Variants in CNKSR2 observed in about 807,000 individuals in gnomAD.
CNKSR2 encodes connector enhancer of kinase suppressor of Ras 2.
A neutral mutation model predicts 84.4 loss-of-function variants in CNKSR2; 14 were observed. The observed-to-expected ratio is 0.17, with a 90% CI of 0.11 to 0.26. CNKSR2 has a LOEUF of 0.26. Among genes scored for constraint, CNKSR2 ranks in the 10% least tolerant of loss-of-function variants. The probability of loss-of-function intolerance (pLI) is 1.00; values close to 1 mark genes in which losing one functional copy is unlikely to be tolerated. For missense variants in CNKSR2, 485 were observed against 771.2 expected (o/e 0.63, Z 4.40); for synonymous variants, 275 against 277.9 (o/e 0.99, Z 0.10).
Position 21,552,795 on chromosome X carries a change from T to C in CNKSR2, c.1304-8676T>C, listed in dbSNP as rs905078760. On this transcript the variant is annotated intron_variant, in intron 11 of 21. Coordinates refer to ENST00000379510, the MANE Select transcript of CNKSR2 (RefSeq NM_014927.5). ...TTCAAGCCACTTGTGGAATTACTAC[T>C]ATCACTGCAAAACAATTTGCCAGAA... 3.6e-5 allele frequency among the ~76,000 whole-genome samples: 4 copies of C among 112,213 alleles called. No homozygotes were observed. In the Admixed American group the frequency reaches 3.8e-4, roughly 11 times the overall value.
rs1047175976 is a variant in CNKSR2 at position 21,599,821 on chromosome X, C to G, written c.1977-1461C>G. Among the ~76,000 whole-genome samples, 67 of 111,626 alleles carry G rather than the reference C, an allele frequency of 6.0e-4. 1 individual carries two copies. The highest frequency in any genetic ancestry group is 2.9e-4 in the Admixed American group (3 of 10,519). ...ATGCCTTGTGGTACAAATTTAACCC[C>G]TTTTTCACTGCAAATCAACTTAGAC... On this transcript the variant is annotated intron_variant, in intron 17 of 21. Coordinates refer to ENST00000379510, the MANE Select transcript of CNKSR2 (RefSeq NM_014927.5).
At chrX:21,449,653 A>G (rs749339518) in intron 4 of CNKSR2, among the ~76,000 whole-genome samples, 3 of 110,977 alleles carry the variant, frequency 2.7e-5, no homozygotes, top group Non-Finnish European at 5.7e-5. Flanking sequence ...CCCATGCTCC[A>G]TGTGCATCCT....
At chrX:21,463,165 A>G (rs1569183605) in intron 4 of CNKSR2, among the ~76,000 whole-genome samples, 1 of 111,542 alleles carries the variant, frequency 9.0e-6, no homozygotes, top group Non-Finnish European at 1.9e-5. Flanking sequence ...CATCCTTGCA[A>G]CCCAGGAATA....
chrX:21,516,486 T>C lies in CNKSR2; in HGVS notation c.812T>C (p.Val271Ala), dbSNP rs770714516. ...TGTAATGATTTTGCTGGTTACCAGG[T>C]GGGGTGGCAGTTGAAAAATTTGGTG... ...EVIQVNHQTV[V>A]GWQLKNLVNA... The change falls in exon 9 of 22, where the codon GTG (valine) becomes GCG (alanine). Residue 271 changes from valine to alanine, a missense_variant and splice_region_variant. By Grantham distance (64) the Val-to-Ala change is moderately conservative. This residue lies in a region of CNKSR2 where 4 missense variants were observed against 36.6 expected (regional missense o/e 0.11). Coordinates refer to ENST00000379510, the MANE Select transcript of CNKSR2 (RefSeq NM_014927.5). The C allele has an allele frequency of 8.3e-7, 1 of 1,202,914 alleles. No homozygotes were observed. The highest frequency in any genetic ancestry group is 1.8e-5 in the African/African-American group (1 of 56,352).
chrX:21,544,008 A>G (rs913297600), intron 11 of CNKSR2, among the ~76,000 whole-genome samples: 30 of 111,014 alleles, frequency 2.7e-4, no homozygotes, highest in African/African-American at 9.8e-4. Context: ...TTCTTGCCTC[A>G]TAGAAAGTAC....
chrX:21,591,222 A>G (rs367595882), intron 15 of CNKSR2, 28 bp downstream of exon 15: 2 of 1,081,832 alleles, frequency 1.8e-6, no homozygotes, highest in Non-Finnish European at 2.5e-6. Flanking sequence ...TTGTTTTCTC[A>G]TCCATTCTCT....
intron 4 of CNKSR2, among the ~76,000 whole-genome samples, chrX:21,447,267 A>G (rs898160734): frequency 9.0e-6 from 1 of 111,574 alleles, no homozygotes; most frequent in African/African-American, 3.2e-5. Context: ...ACATTTGGGT[A>G]TATACCTACA....
At position 21,548,299 on chromosome X, in the gene CNKSR2, C is replaced by T. The variant is rs1165095488; in HGVS notation, c.1304-13172C>T. Among the ~76,000 whole-genome samples the T allele has an allele frequency of 3.6e-5, 4 of 111,993 alleles. No individual in the cohort carries two copies. In the Admixed American group the frequency reaches 3.8e-4, roughly 11 times the overall value. On this transcript the variant is annotated intron_variant, in intron 11 of 21. Coordinates refer to ENST00000379510, the MANE Select transcript of CNKSR2 (RefSeq NM_014927.5). ...AGAGAATACTATCAACACATTTACA[C>T]AATTAAACTAGAAAATCTAGAAGAA...
chrX:21,560,383 TC>T (rs1195341280), intron 11 of CNKSR2, among the ~76,000 whole-genome samples: 1 of 110,914 alleles, frequency 9.0e-6, no homozygotes, highest in African/African-American at 3.3e-5. Flanking sequence ...CAGGTATATG[TC>T]CTTGGGCAAG....
intron 17 of CNKSR2, among the ~76,000 whole-genome samples, chrX:21,599,367 TGTGTGTGTGTGTGTGTGA>T (rs1207577126): frequency 1.9e-5 from 2 of 106,563 alleles, no homozygotes; most frequent in African/African-American, 7.1e-5. Flanking sequence ...TGTGTGTGTG[TGTGTGTGTGTGTGTGTGA>T]GATGGAGTCT....
intron 17 of CNKSR2, among the ~76,000 whole-genome samples, chrX:21,600,943 GC>G (rs2092478171): frequency 8.9e-6 from 1 of 112,205 alleles, no homozygotes; most frequent in Non-Finnish European, 1.9e-5. Context: ...AGGAGCATTT[GC>G]TCTGAAGAAA....
intron 13 of CNKSR2, among the ~76,000 whole-genome samples, chrX:21,585,520 G>C (rs2147238676): frequency 9.2e-6 from 1 of 109,184 alleles, no homozygotes; most frequent in East Asian, 2.9e-4. Context: ...AAGGAAAAGA[G>C]TTAAAGTTGA....
At chrX:21,476,054 T>C (rs1258975631) in intron 5 of CNKSR2, among the ~76,000 whole-genome samples, 1 of 110,815 alleles carries the variant, frequency 9.0e-6, no homozygotes, top group Non-Finnish European at 1.9e-5. Context: ...TGAGGTGGTG[T>C]ATCTTTCCCT....
chrX:21,521,167 T>G (rs533145118), intron 9 of CNKSR2, among the ~76,000 whole-genome samples: 9 of 110,230 alleles, frequency 8.2e-5, no homozygotes, highest in African/African-American at 2.9e-4. Flanking sequence ...AAAAAAAACA[T>G]TAGTGACAAA....
intron 9 of CNKSR2, among the ~76,000 whole-genome samples, chrX:21,519,484 A>T (rs1465871829): frequency 9.0e-6 from 1 of 111,279 alleles, no homozygotes; most frequent in Non-Finnish European, 1.9e-5. Flanking sequence ...TGCTAAATGT[A>T]GTAACAATCC....
chrX:21,449,203 C>G (rs957072963), intron 4 of CNKSR2, among the ~76,000 whole-genome samples: 2 of 106,590 alleles, frequency 1.9e-5, no homozygotes, highest in African/African-American at 3.5e-5. Flanking sequence ...ACTCAGTACA[C>G]TGAGGCAGGA....
intron 11 of CNKSR2, among the ~76,000 whole-genome samples, chrX:21,561,182 T>TA (rs61507460): frequency 0.073 from 6,733 of 92,369 alleles, 255 homozygotes; most frequent in Non-Finnish European, 0.1. Flanking sequence ...TTATCTTCTT[T>TA]AAAAAAAAAA....
chrX:21,438,775 TA>T (rs1343233638), intron 3 of CNKSR2, among the ~76,000 whole-genome samples: 3 of 111,059 alleles, frequency 2.7e-5, no homozygotes, highest in African/African-American at 9.8e-5. Context: ...AGCAGAGGGT[TA>T]ATGTGTAATG....
intron 1 of CNKSR2, among the ~76,000 whole-genome samples, chrX:21,401,537 C>T (rs1199611291): frequency 1.8e-5 from 2 of 111,330 alleles, no homozygotes; most frequent in Non-Finnish European, 3.8e-5. Context: ...ATTATGTAGC[C>T]CTGGAGTGAG....
Sources: gnomAD v4.1 joint callset for allele counts (sites outside exome capture counted in the v4.1 genomes callset) on GRCh38, gnomAD v4.1.1 for gene constraint, gnomAD v4.1.1 regional missense constraint, MANE v1.5 for transcripts, NCBI Gene and HGNC (gene_info 2026-07-23, HGNC 2026-07-21) for gene names.